The following RUNX1 variants were observed in gnomAD, a reference collection of about 807,000 sequenced individuals.
RUNX1 encodes runt-related transcription factor 1.
In RUNX1, 19 loss-of-function variants were observed where a neutral mutation model predicts 42.8. The observed-to-expected ratio is 0.44, with a 90% confidence interval of 0.31 to 0.65. The LOEUF (loss-of-function observed/expected upper bound fraction) is 0.65, where lower values mean the gene tolerates loss of function less well. Among genes scored for constraint, RUNX1 ranks in the 30% least tolerant of loss-of-function variants. The pLI is 0.07. For missense variants in RUNX1, 528 were observed against 672.0 expected, an observed-to-expected ratio of 0.79 and a Z score of 2.37; for synonymous variants, 271 against 289.4, an observed-to-expected ratio of 0.94 and a Z score of 0.64.
intron 2 of RUNX1, among the ~76,000 whole-genome samples, chr21:35,025,821 G>A (rs762515439): frequency 6.6e-5 from 10 of 152,016 alleles, no homozygotes; most frequent in Non-Finnish European, 1.2e-4. Flanking sequence ...ACGTTTCTAG[G>A]GGAGGAAAAG....
At chr21:34,800,906 A>C (rs1313190396) in intron 7 of RUNX1, among the ~76,000 whole-genome samples, 1 of 152,146 alleles carries the variant, frequency 6.6e-6, no homozygotes, top group East Asian at 1.9e-4. Context: ...TCTTCATTTT[A>C]TTCCAAATTT....
rs2056922084 is a variant in RUNX1 at position 34,822,469 on chromosome 21, CACAA to C, written c.805+11937_805+11940del. 8.5e-5 allele frequency among the ~76,000 whole-genome samples: 13 copies of C among 152,360 alleles called. No individual in the cohort carries two copies. The South Asian group carries it at 2.7e-3, about 32-fold the overall frequency. ...GTGATAACCCAGGTATAGACACAAT[CACAA>C]ACAAAGGCTATCATTTTAAAACGGG... On this transcript the variant is annotated intron_variant, in intron 7 of 8. Coordinates refer to ENST00000675419, the MANE Select transcript of RUNX1 (RefSeq NM_001754.5).
At position 34,807,601 on chromosome 21, in the gene RUNX1, C is replaced by T. The variant is rs551691967; in HGVS notation, c.806-8139G>A. 7.2e-5 allele frequency among the ~76,000 whole-genome samples: 11 copies of T among 152,262 alleles called. No individual in the cohort carries two copies. The South Asian group carries it at 8.3e-4, about 11-fold the overall frequency. ...CCTTCATCCTGGAGGAAGGTAGGGA[C>T]GTTCCCAGGGTTCCCTCCAGATTCA... On this transcript the variant is annotated intron_variant, in intron 7 of 8. Transcript: ENST00000675419.
At chr21:34,958,010 G>A (rs1455439838) in intron 2 of RUNX1, among the ~76,000 whole-genome samples, 1 of 152,178 alleles carries the variant, frequency 6.6e-6, no homozygotes, top group Non-Finnish European at 1.5e-5. Context: ...TGTAAAGGAT[G>A]GCGGTAAAAT....
intron 2 of RUNX1, among the ~76,000 whole-genome samples, chr21:34,945,247 G>T (rs1004434100): frequency 2.0e-5 from 3 of 152,102 alleles, no homozygotes; most frequent in African/African-American, 7.2e-5. Flanking sequence ...TACAGCCAAA[G>T]GCATCCTAGA....
chr21:34,853,815 ATT>A (rs34643463), intron 6 of RUNX1, among the ~76,000 whole-genome samples: 345 of 139,150 alleles, frequency 2.5e-3, no homozygotes, highest in African/African-American at 8.6e-3. Flanking sequence ...TCCTTCCTTC[ATT>A]TTTTTTTTTT....
At chr21:34,889,293 CGAAGCGGCGCT>C (rs1212711945) in intron 3 of RUNX1, among the ~76,000 whole-genome samples, 2 of 152,116 alleles carry the variant, frequency 1.3e-5, no homozygotes, top group African/African-American at 4.8e-5. Context: ...GCAGCTGCGG[CGAAGCGGCGCT>C]GATTCCTTGC....
intron 7 of RUNX1, among the ~76,000 whole-genome samples, chr21:34,801,515 G>GT (rs1256916174): frequency 6.6e-6 from 1 of 152,180 alleles, no homozygotes; most frequent in African/African-American, 2.4e-5. Flanking sequence ...AGTTCTATGA[G>GT]TTTTTTTGTT....
intron 2 of RUNX1, among the ~76,000 whole-genome samples, chr21:34,933,170 T>C (rs1290710852): frequency 6.6e-6 from 1 of 152,084 alleles, no homozygotes; most frequent in Non-Finnish European, 1.5e-5. Context: ...TCTTGGAAAA[T>C]TAGTGGTTGG....
At chr21:35,012,092 A>G (rs937523386) in intron 2 of RUNX1, among the ~76,000 whole-genome samples, 1 of 152,246 alleles carries the variant, frequency 6.6e-6, no homozygotes, top group Admixed American at 6.5e-5. Flanking sequence ...AGTTGACTAA[A>G]GTAAATATGA....
intron 5 of RUNX1, among the ~76,000 whole-genome samples, chr21:34,876,849 A>T (rs1199679573): frequency 1.4e-5 from 2 of 141,164 alleles, no homozygotes; most frequent in African/African-American, 2.6e-5. Flanking sequence ...TCATTGCTAA[A>T]ATTTCTTTTT....
chr21:34,933,341 A>G (rs1490024846), intron 2 of RUNX1, among the ~76,000 whole-genome samples: 1 of 152,228 alleles, frequency 6.6e-6, no homozygotes, highest in Non-Finnish European at 1.5e-5. Flanking sequence ...ATGTCTACAT[A>G]ACTAGGTCAA....
intron 2 of RUNX1, among the ~76,000 whole-genome samples, chr21:34,967,437 G>A (rs1229569877): frequency 5.4e-5 from 8 of 148,886 alleles, no homozygotes; most frequent in Admixed American, 4.7e-4. Context: ...AGACTCAACT[G>A]TGCCACGTCA....
At chr21:34,918,705 C>T (rs375470393) in intron 2 of RUNX1, among the ~76,000 whole-genome samples, 5 of 152,126 alleles carry the variant, frequency 3.3e-5, no homozygotes, top group East Asian at 3.9e-4. Context: ...GTCAAGAGAT[C>T]GAGACCATCC....
At chr21:34,922,871 C>T (rs2058364435) in intron 2 of RUNX1, among the ~76,000 whole-genome samples, 1 of 152,166 alleles carries the variant, frequency 6.6e-6, no homozygotes, top group Non-Finnish European at 1.5e-5. Context: ...TAAGTATCTA[C>T]CATTGATTGA....
intron 2 of RUNX1, among the ~76,000 whole-genome samples, chr21:34,893,784 A>T (rs2186289): frequency 0.054 from 7,000 of 129,474 alleles, 225 homozygotes; most frequent in Admixed American, 0.096. Flanking sequence ...TTTTTTTTTT[A>T]AAAAAAAACC....
chr21:34,909,013 C>T (rs554353289), intron 2 of RUNX1, among the ~76,000 whole-genome samples: 29 of 152,204 alleles, frequency 1.9e-4, no homozygotes, highest in African/African-American at 6.7e-4. Flanking sequence ...GAAGATAATG[C>T]AATAGATTAT....
chr21:35,047,679 G>A (rs1437270090), intron 2 of RUNX1, among the ~76,000 whole-genome samples: 1 of 151,522 alleles, frequency 6.6e-6, no homozygotes, highest in Admixed American at 6.6e-5. Flanking sequence ...AAAGTGGCCG[G>A]CAAGCCCTCT....
chr21:34,872,674 C>A (rs1050794686), intron 5 of RUNX1, among the ~76,000 whole-genome samples: 3 of 152,004 alleles, frequency 2.0e-5, no homozygotes, highest in Non-Finnish European at 2.9e-5. Flanking sequence ...ATGATCAGGG[C>A]GAGATCACGC....
Sources: allele counts gnomAD v4.1 joint callset (sites outside exome capture counted in the v4.1 genomes callset), GRCh38; gene constraint gnomAD v4.1.1; transcripts MANE v1.5; gene names NCBI Gene and HGNC (gene_info 2026-07-23, HGNC 2026-07-21).